The following MAN1A2 variants were observed in gnomAD, a reference collection of about 807,000 sequenced individuals.
MAN1A2 encodes mannosyl-oligosaccharide 1,2-alpha-mannosidase IB.
Under a neutral mutation model 75.7 loss-of-function variants are expected in MAN1A2, and 26 were observed. That is an observed-to-expected ratio of 0.34 (90% CI 0.25 to 0.48). The LOEUF is 0.48. MAN1A2 is among the 20% of genes least tolerant of loss of function. MAN1A2 has a pLI of 0.99. For synonymous variants in MAN1A2, 247 were observed against 264.6 expected, an observed-to-expected ratio of 0.93 and a Z score of 0.65; for missense variants, 562 against 775.5, an observed-to-expected ratio of 0.72 and a Z score of 3.27.
chr1:117,486,446 T>C (rs775049056), intron 8 of MAN1A2, among the ~76,000 whole-genome samples: 2 of 151,908 alleles, frequency 1.3e-5, no homozygotes, highest in South Asian at 2.1e-4. Flanking sequence ...AGTAAAAATA[T>C]AGTCAAAAAA....
In MAN1A2 at chr1:117,524,418, A is replaced by G. The variant is rs1473541763; in HGVS notation, c.*1461A>G. The stretch of plus-strand genomic sequence containing the variant: ...GATACTTTTGCTCTTTTCATTTAAT[A>G]TAGGCATCTTCCATTGACATTAATA... On this transcript the variant is annotated 3_prime_UTR_variant, in exon 13 of 13. Transcript: ENST00000356554. 2 of 151,820 alleles carry G rather than the reference A, an allele frequency of 1.3e-5. No homozygotes were observed. The highest frequency in any genetic ancestry group is 2.9e-5 in the Non-Finnish European group (2 of 67,802). The allele number at this position is 151,820 out of a possible 1,614,324, so 9.4% of individuals were successfully genotyped here. A position where few individuals can be genotyped will look rare whatever the true frequency, so the allele number is the denominator to read the frequency against.
At chr1:117,492,336 C>A (rs1017713180) in intron 8 of MAN1A2, among the ~76,000 whole-genome samples, 1 of 152,064 alleles carries the variant, frequency 6.6e-6, no homozygotes, top group Non-Finnish European at 1.5e-5. Flanking sequence ...GCAAGACCCT[C>A]CACCATCAAA....
chr1:117,443,153 G>A (rs1053827776), intron 6 of MAN1A2, among the ~76,000 whole-genome samples: 11 of 152,004 alleles, frequency 7.2e-5, no homozygotes, highest in African/African-American at 2.2e-4. Context: ...ATAAAAGTTA[G>A]GAACATTTAT....
rs1270039235 is a variant in MAN1A2, at chr1:117,410,063, G to A, written c.655+4418G>A. On this transcript the variant is annotated intron_variant, in intron 3 of 12. Coordinates refer to ENST00000356554, the MANE Select transcript of MAN1A2 (RefSeq NM_006699.5). ...TTTAAAATTATCTCTAGATTACTTA[G>A]AATACCTAATACAATAGAAATAGTT... Among the ~76,000 whole-genome samples, 6 of 151,914 alleles carry A rather than the reference G, an allele frequency of 3.9e-5. No individual in the cohort carries two copies. In the East Asian group the frequency reaches 1.2e-3, roughly 29 times the overall value.
rs759656863 is a variant in MAN1A2 at position 117,526,841 on chromosome 1, C to CCTCTCTCTCT, written c.*3915_*3924dup. On this transcript the variant is annotated 3_prime_UTR_variant, in exon 13 of 13. Coordinates refer to ENST00000356554, the MANE Select transcript of MAN1A2 (RefSeq NM_006699.5). ...TCAAATTGGCTAGGTCCTATCTTTT[C>CCTCTCTCTCT]CTCTCTCTCTCTCTCTCTCTCTCTC... 340 of 66,040 alleles carry CCTCTCTCTCT rather than the reference C, an allele frequency of 5.1e-3. 5 individuals are homozygous for CCTCTCTCTCT. Among genetic ancestry groups the CCTCTCTCTCT allele is most frequent in the East Asian group, 8.5e-3 (18 of 2,106 alleles). 4.1% of individuals were successfully genotyped at this position (66,040 alleles called of 1,614,324 possible).
At chr1:117,475,065 C>T (rs1435756052) in intron 8 of MAN1A2, among the ~76,000 whole-genome samples, 1 of 151,882 alleles carries the variant, frequency 6.6e-6, no homozygotes, top group African/African-American at 2.4e-5. Context: ...TTTGTTTATC[C>T]ATTCTCCTGT....
intron 1 of MAN1A2, among the ~76,000 whole-genome samples, chr1:117,397,180 T>G (rs1217945117): frequency 6.6e-6 from 1 of 152,162 alleles, no homozygotes; most frequent in East Asian, 1.9e-4. Context: ...TGAAATAGTT[T>G]ACTCACTAAA....
chr1:117,405,416 C>G (rs1345164002), intron 2 of MAN1A2, 133 bp from the exon 3 acceptor site: 1 of 641,456 alleles, frequency 1.6e-6, no homozygotes, highest in East Asian at 2.8e-5. Flanking sequence ...GATACAAATG[C>G]TAATTGAATA....
intron 1 of MAN1A2, among the ~76,000 whole-genome samples, chr1:117,398,673 C>CA (rs34938045): frequency 0.2 from 22,949 of 114,950 alleles, 2,181 homozygotes; most frequent in Middle Eastern, 0.31. Flanking sequence ...GACTCTATTT[C>CA]AAAAAAAAAA....
intron 3 of MAN1A2, among the ~76,000 whole-genome samples, chr1:117,408,269 G>A (rs1647678204): frequency 1.3e-5 from 2 of 148,230 alleles, no homozygotes; most frequent in South Asian, 4.2e-4. Context: ...CCCTAACCTG[G>A]GCAACATAGC....
At position 117,524,499 on chromosome 1, in the gene MAN1A2, G is replaced by A. The variant is rs1651953363; in HGVS notation, c.*1542G>A. 1 of 151,668 alleles carries A rather than the reference G, an allele frequency of 6.6e-6. No individual in the cohort carries two copies. Among genetic ancestry groups the A allele is most frequent in the South Asian group, 2.1e-4 (1 of 4,820 alleles). The allele number at this position is 151,668 out of a possible 1,614,324, so 9.4% of individuals were successfully genotyped here. ...TTTACTCTGAATTTGAAGATTTCCTGAAACAAAGTTTGTACAAGAAGCCCA... is the reference window on the plus strand; with the variant it reads ...TTTACTCTGAATTTGAAGATTTCCTAAAACAAAGTTTGTACAAGAAGCCCA... On this transcript the variant is annotated 3_prime_UTR_variant, in exon 13 of 13. Transcript: ENST00000356554.
chr1:117,405,088 A>G (rs959420935), intron 2 of MAN1A2, among the ~76,000 whole-genome samples: 2 of 152,116 alleles, frequency 1.3e-5, no homozygotes, highest in African/African-American at 4.8e-5. Flanking sequence ...TTTGAACACA[A>G]CCATGTCCAT....
chr1:117,473,676 A>G (rs1438571948), intron 8 of MAN1A2, among the ~76,000 whole-genome samples: 4 of 151,852 alleles, frequency 2.6e-5, no homozygotes, highest in South Asian at 4.1e-4. Flanking sequence ...GCTTGGAATG[A>G]TTTTTCGAGA....
chr1:117,496,651 C>T (rs1651043633), intron 9 of MAN1A2, 112 bp from the exon 10 acceptor site: 2 of 728,190 alleles, frequency 2.7e-6, no homozygotes, highest in African/African-American at 1.8e-5. Flanking sequence ...GGGAAAGTTA[C>T]TACTTTATAG....
rs1222498299 is a variant in MAN1A2, at chr1:117,526,883, T to C, written c.*3926T>C. 1.7e-5 allele frequency: 1 copy of C among 60,154 alleles called. No individual in the cohort carries two copies. Among genetic ancestry groups the C allele is most frequent in the East Asian group, 5.6e-4 (1 of 1,784 alleles). The allele number at this position is 60,154 out of a possible 1,614,324, so 3.7% of individuals were successfully genotyped here. A position where few individuals can be genotyped will look rare whatever the true frequency, so the allele number is the denominator to read the frequency against. The stretch of plus-strand genomic sequence containing the variant: ...CTCTCTCTCTCTCTCTCTCTCTCTA[T>C]ATATATATATATATATATATATATA... On this transcript the variant is annotated 3_prime_UTR_variant, in exon 13 of 13. Transcript: ENST00000356554.
intron 7 of MAN1A2, among the ~76,000 whole-genome samples, chr1:117,464,373 G>C (rs377512263): frequency 1.2e-5 from 1 of 82,196 alleles, no homozygotes; most frequent in Non-Finnish European, 2.7e-5. Context: ...AAAAGAAACA[G>C]AACACTGCAA....
intron 12 of MAN1A2, among the ~76,000 whole-genome samples, chr1:117,512,640 T>G (rs908459629): frequency 3.3e-5 from 5 of 152,028 alleles, no homozygotes; most frequent in Non-Finnish European, 7.4e-5. Context: ...TGTATTTATG[T>G]AGTTCAGTCT....
chr1:117,503,054 C>T (rs1485748050), intron 12 of MAN1A2, 84 bp downstream of exon 12: 1 of 643,342 alleles, frequency 1.6e-6, no homozygotes, highest in African/African-American at 1.9e-5. Flanking sequence ...AACTATGTGA[C>T]AGGTTACACT....
chr1:117,373,541 A>G (rs1262002668), intron 1 of MAN1A2, among the ~76,000 whole-genome samples: 1 of 148,404 alleles, frequency 6.7e-6, no homozygotes, highest in Non-Finnish European at 1.5e-5. Flanking sequence ...GCAGTGGCAC[A>G]ATTACAGTTC....
Sources: allele counts gnomAD v4.1 joint callset (sites outside exome capture counted in the v4.1 genomes callset), GRCh38; gene constraint gnomAD v4.1.1; transcripts MANE v1.5; gene names NCBI Gene and HGNC (gene_info 2026-07-23, HGNC 2026-07-21).